The following CNTN5 variants were observed in gnomAD, a reference collection of about 807,000 sequenced individuals.
CNTN5 encodes contactin 5, also known as contactin-5.
Under a neutral mutation model 129.1 loss-of-function variants are expected in CNTN5, and 77 were observed. That is an observed-to-expected ratio of 0.60 (90% CI 0.50 to 0.72). The LOEUF is 0.72. Ranked by LOEUF, CNTN5 falls within the 30% of genes least tolerant of loss-of-function variation. The probability of loss-of-function intolerance (pLI) is 0.00; values close to 1 mark genes in which losing one functional copy is unlikely to be tolerated. For synonymous variants in CNTN5, 509 were observed against 465.6 expected, an observed-to-expected ratio of 1.09 and a Z score of -1.20; for missense variants, 1,478 against 1,328.8, an observed-to-expected ratio of 1.11 and a Z score of -1.75.
At chr11:100,229,881 T>C (rs1949454005) in intron 16 of CNTN5, among the ~76,000 whole-genome samples, 1 of 152,172 alleles carries the variant, frequency 6.6e-6, no homozygotes, top group African/African-American at 2.4e-5. Flanking sequence ...CCACCATTGA[T>C]CTAATATGTA....
intron 6 of CNTN5, among the ~76,000 whole-genome samples, chr11:99,890,214 G>A (rs1472394314): frequency 6.6e-6 from 1 of 152,142 alleles, no homozygotes; most frequent in Non-Finnish European, 1.5e-5. Flanking sequence ...CCACAGTGGT[G>A]GGATATGTCA....
chr11:99,785,146 C>T (rs933449828), intron 3 of CNTN5, among the ~76,000 whole-genome samples: 1 of 152,094 alleles, frequency 6.6e-6, no homozygotes, highest in East Asian at 1.9e-4. Context: ...TTGCATTTCT[C>T]TAATGACTGG....
chr11:99,505,767 G>C (rs1305479087), intron 2 of CNTN5, among the ~76,000 whole-genome samples: 3 of 152,056 alleles, frequency 2.0e-5, no homozygotes, highest in Admixed American at 2.0e-4. Flanking sequence ...CATTTCTCCA[G>C]GTTAGTAAAA....
At chr11:99,559,757 G>A (rs898545775) in intron 3 of CNTN5, among the ~76,000 whole-genome samples, 82 of 152,114 alleles carry the variant, frequency 5.4e-4, no homozygotes, top group African/African-American at 1.8e-3. Context: ...CCATATAAGC[G>A]TTTACCAGAG....
At chr11:100,153,754 A>ATGTT (rs1947141247) in intron 13 of CNTN5, among the ~76,000 whole-genome samples, 1 of 152,076 alleles carries the variant, frequency 6.6e-6, no homozygotes, top group South Asian at 2.1e-4. Context: ...TAATGCCTAA[A>ATGTT]TGTTTTAAAG....
At chr11:99,791,802 C>T (rs540975932) in intron 3 of CNTN5, among the ~76,000 whole-genome samples, 62 of 152,144 alleles carry the variant, frequency 4.1e-4, no homozygotes, top group African/African-American at 1.4e-3. Flanking sequence ...TTTGTAGTTG[C>T]ATTTTAGAGA....
chr11:100,028,839 G>A (rs1326334100), intron 9 of CNTN5, among the ~76,000 whole-genome samples: 4 of 152,136 alleles, frequency 2.6e-5, no homozygotes, highest in Non-Finnish European at 5.9e-5. Context: ...CCCAAACATT[G>A]TTTCAGGTCA....
At chr11:100,238,742 A>C (rs1017680865) in intron 16 of CNTN5, among the ~76,000 whole-genome samples, 3 of 152,156 alleles carry the variant, frequency 2.0e-5, no homozygotes, top group Non-Finnish European at 4.4e-5. Context: ...TATCTTTAAG[A>C]TTAAATAGCT....
intron 4 of CNTN5, chr11:99,844,463 T>C (rs766071381): frequency 7.2e-6 from 2 of 276,302 alleles, no homozygotes; most frequent in Admixed American, 5.1e-5. Flanking sequence ...TATTAATATA[T>C]TACTTTTGCG....
intron 1 of CNTN5, among the ~76,000 whole-genome samples, chr11:99,250,288 G>T (rs1030350512): frequency 2.0e-5 from 3 of 151,836 alleles, no homozygotes; most frequent in African/African-American, 4.8e-5. Context: ...TTAGAACAAG[G>T]TTCTTCCTTT....
intron 7 of CNTN5, among the ~76,000 whole-genome samples, chr11:99,942,560 T>G (rs575918543): frequency 2.0e-5 from 3 of 152,172 alleles, no homozygotes; most frequent in East Asian, 3.9e-4. Flanking sequence ...ATGTGCAGAA[T>G]GTGCAGGTTT....
At chr11:100,063,726 AAAT>A (rs1331812415) in intron 10 of CNTN5, among the ~76,000 whole-genome samples, 13 of 151,352 alleles carry the variant, frequency 8.6e-5, no homozygotes, top group Non-Finnish European at 1.5e-4. Flanking sequence ...AAAAAAAAAA[AAAT>A]ACAAAAAATT....
intron 13 of CNTN5, among the ~76,000 whole-genome samples, chr11:100,075,185 T>A (rs1378970708): frequency 1.3e-5 from 2 of 152,180 alleles, no homozygotes; most frequent in East Asian, 3.8e-4. Flanking sequence ...GTGAAACATT[T>A]TGAAAAATTT....
At chr11:99,354,164 T>A (rs565471305) in intron 2 of CNTN5, among the ~76,000 whole-genome samples, 2 of 152,368 alleles carry the variant, frequency 1.3e-5, no homozygotes, top group South Asian at 4.1e-4. Context: ...TCCACAATTA[T>A]GTATTTTCAA....
intron 3 of CNTN5, among the ~76,000 whole-genome samples, chr11:99,675,343 G>A (rs952428666): frequency 1.3e-5 from 2 of 151,978 alleles, no homozygotes; most frequent in African/African-American, 4.8e-5. Flanking sequence ...TCTGTGGGAG[G>A]GGCCCAGTGT....
At chr11:99,321,362 C>CAT (rs1211422322) in intron 1 of CNTN5, among the ~76,000 whole-genome samples, 35 of 148,964 alleles carry the variant, frequency 2.3e-4, no homozygotes, top group African/African-American at 7.8e-4. Context: ...ATATATATAA[C>CAT]ATATATATAT....
At chr11:99,345,254 C>T (rs544573271) in intron 2 of CNTN5, among the ~76,000 whole-genome samples, 36 of 152,174 alleles carry the variant, frequency 2.4e-4, no homozygotes, top group East Asian at 5.8e-4. Flanking sequence ...CATATATTAG[C>T]GCTCAGTATT....
chr11:99,738,118 T>C (rs1056336770), intron 3 of CNTN5, among the ~76,000 whole-genome samples: 3 of 152,166 alleles, frequency 2.0e-5, no homozygotes, highest in African/African-American at 4.8e-5. Context: ...GAATTATGCC[T>C]CCCGACTTCA....
chr11:99,286,891 C>T (rs1247143127), intron 1 of CNTN5, among the ~76,000 whole-genome samples: 1 of 152,114 alleles, frequency 6.6e-6, no homozygotes, highest in East Asian at 1.9e-4. Flanking sequence ...ATTTTAAAAA[C>T]TTGCAAATCC....
Sources: gnomAD v4.1 joint callset for allele counts (sites outside exome capture counted in the v4.1 genomes callset) on GRCh38, gnomAD v4.1.1 for gene constraint, MANE v1.5 for transcripts, NCBI Gene and HGNC (gene_info 2026-07-23, HGNC 2026-07-21) for gene names.